ACTN4: variants seen among roughly 807,000 people sequenced by gnomAD.
The protein encoded by ACTN4 is actinin alpha 4.
In ACTN4, 18 loss-of-function variants were observed where a neutral mutation model predicts 114.2. That is an observed-to-expected ratio of 0.16 (90% confidence interval 0.11 to 0.23). The LOEUF is 0.23. Among genes scored for constraint, ACTN4 ranks in the 10% least tolerant of loss-of-function variants. The probability of loss-of-function intolerance (pLI) is 1.00; values close to 1 mark genes in which losing one functional copy is unlikely to be tolerated. For missense variants in ACTN4, 722 were observed against 1,262.9 expected (o/e 0.57, Z 6.49); for synonymous variants, 515 against 506.3 (o/e 1.02, Z -0.23).
At chr19:38,729,248 T>C in intron 20 of ACTN4, 26 bp from the exon 21 acceptor site, 1 of 1,612,256 alleles carries the variant, frequency 6.2e-7, no homozygotes, top group Non-Finnish European at 8.5e-7. Context: ...TGGGGATGGC[T>C]CAGAGTCCCA....
At chr19:38,722,947 C>T (rs1969097529) in intron 12 of ACTN4, among the ~76,000 whole-genome samples, 1 of 152,194 alleles carries the variant, frequency 6.6e-6, no homozygotes, top group Admixed American at 6.5e-5. Context: ...GGGGGAATTA[C>T]AGAGGCCTGT....
At chr19:38,649,833 C>T (rs1034281415) in intron 1 of ACTN4, among the ~76,000 whole-genome samples, 1 of 152,064 alleles carries the variant, frequency 6.6e-6, no homozygotes. Context: ...TGAGGTGGGG[C>T]CGGGCATAAC....
In ACTN4 at chr19:38,727,802, C is replaced by T. The variant is rs1006886105; in HGVS notation, c.2338-144C>T. ...GCCCCCGACCCCACGTGTCCCTGGC[C>T]ATCTCCTTGTCCATGTTGCCTCTAA... On this transcript the variant is annotated intron_variant, in intron 18 of 20. Transcript: ENST00000252699. The surrounding 1 kb of genome is among the most constrained non-coding windows in gnomAD (Gnocchi z 5.4). 2.0e-5 allele frequency: 15 copies of T among 754,254 alleles called. No individual in the cohort carries two copies. Among genetic ancestry groups the T allele is most frequent in the Admixed American group, 1.3e-4 (6 of 46,208 alleles). 46.7% of individuals were successfully genotyped at this position (754,254 alleles called of 1,614,324 possible).
intron 8 of ACTN4, among the ~76,000 whole-genome samples, chr19:38,714,065 C>A (rs1264277792): frequency 1.3e-5 from 2 of 152,228 alleles, no homozygotes; most frequent in Non-Finnish European, 2.9e-5. Flanking sequence ...GGCGCCCCTG[C>A]TCTGTTGCCC....
intron 3 of ACTN4, among the ~76,000 whole-genome samples, chr19:38,703,395 C>A (rs1224264125): frequency 6.6e-6 from 1 of 151,496 alleles, no homozygotes; most frequent in East Asian, 1.9e-4. Flanking sequence ...CCCGCCACCA[C>A]GCCAGGCTAA....
chr19:38,666,800 A>G (rs1966976311), intron 1 of ACTN4, among the ~76,000 whole-genome samples: 1 of 152,218 alleles, frequency 6.6e-6, no homozygotes, highest in African/African-American at 2.4e-5. Flanking sequence ...TCTCTAAGGC[A>G]GTTTCCATTC....
chr19:38,703,133 G>A (rs1440107183), intron 3 of ACTN4, among the ~76,000 whole-genome samples: 2 of 152,078 alleles, frequency 1.3e-5, no homozygotes, highest in Non-Finnish European at 2.9e-5. Flanking sequence ...TCACCCAGCC[G>A]CAGACACACA....
At chr19:38,712,248 G>A (rs28488032) in intron 8 of ACTN4, among the ~76,000 whole-genome samples, 1 of 151,542 alleles carries the variant, frequency 6.6e-6, no homozygotes, top group South Asian at 2.1e-4. Flanking sequence ...AAACTAGAAG[G>A]GGGGGGCCGT....
intron 1 of ACTN4, among the ~76,000 whole-genome samples, chr19:38,654,417 C>G (rs1976652983): frequency 6.6e-6 from 1 of 151,978 alleles, no homozygotes; most frequent in Non-Finnish European, 1.5e-5. Flanking sequence ...AAAAAATTAG[C>G]CGGGCACGGT....
chr19:38,703,748 G>A (rs1056217604), intron 3 of ACTN4, among the ~76,000 whole-genome samples: 1 of 152,160 alleles, frequency 6.6e-6, no homozygotes, highest in Non-Finnish European at 1.5e-5. Flanking sequence ...GATTTCACTA[G>A]TGATGCCTTG....
At chr19:38,662,792 C>T (rs1027436303) in intron 1 of ACTN4, among the ~76,000 whole-genome samples, 8 of 152,026 alleles carry the variant, frequency 5.3e-5, no homozygotes, top group Non-Finnish European at 1.2e-4. Context: ...GAAAGTCTGT[C>T]TTGGAGGGGG....
intron 8 of ACTN4, chr19:38,711,106 A>G (rs1968633438): frequency 6.2e-6 from 1 of 161,310 alleles, no homozygotes; most frequent in Admixed American, 6.5e-5. Flanking sequence ...AATGCACCCT[A>G]TTCGGACTCC....
rs1969575342 is a variant in ACTN4, at chr19:38,731,209, TGTTCAGGTG to T, written c.*1779_*1787del. ...CTGGTGAGGGTCTGGGTCAGCTGGT[TGTTCAGGTG>T]GAAGCCTAGGGGGAGGCTGCTTCTG... On this transcript the variant is annotated 3_prime_UTR_variant, in exon 21 of 21. Coordinates refer to ENST00000252699, the MANE Select transcript of ACTN4 (RefSeq NM_004924.6). The T allele has an allele frequency of 6.2e-7, 1 of 1,612,564 alleles. No individual in the cohort carries two copies. Among genetic ancestry groups the T allele is most frequent in the African/African-American group, 1.3e-5 (1 of 74,910 alleles).
intron 1 of ACTN4, among the ~76,000 whole-genome samples, chr19:38,659,096 T>G (rs1254996352): frequency 8.5e-6 from 1 of 118,304 alleles, no homozygotes; most frequent in Non-Finnish European, 1.8e-5. Flanking sequence ...AGTCTTACTC[T>G]GTCACCCAGG....
chr19:38,659,061 T>TTTTCTTTC (rs1341395815), intron 1 of ACTN4, among the ~76,000 whole-genome samples: 18 of 106,838 alleles, frequency 1.7e-4, no homozygotes, highest in East Asian at 1.6e-3. Context: ...TCTTCTTTTC[T>TTTTCTTTC]TTTCTTTTTT....
intron 1 of ACTN4, among the ~76,000 whole-genome samples, chr19:38,671,379 C>G (rs1447355959): frequency 6.6e-6 from 1 of 152,214 alleles, no homozygotes; most frequent in Non-Finnish European, 1.5e-5. Flanking sequence ...TCTGCACGCA[C>G]AATAACCTGG....
intron 11 of ACTN4, 77 bp from the exon 12 acceptor site, chr19:38,721,459 CCT>C (rs1969037929): frequency 6.5e-7 from 1 of 1,546,580 alleles, no homozygotes; most frequent in African/African-American, 1.4e-5. Context: ...TCTTTCCCTC[CCT>C]CTGCTTGGAC....
chr19:38,730,730 C>T lies in ACTN4; in HGVS notation c.*1298C>T. The stretch of plus-strand genomic sequence containing the variant: ...GTCACCCGGCCGTGAGCAGTGAGGG[C>T]CAGAGACTAGCCCCAGACAGGTGGA... On this transcript the variant is annotated 3_prime_UTR_variant, in exon 21 of 21. Transcript: ENST00000252699. 7.8e-7 allele frequency: 1 copy of T among 1,286,876 alleles called. No individual in the cohort carries two copies. Among genetic ancestry groups the T allele is most frequent in the Middle Eastern group, 2.2e-4 (1 of 4,608 alleles). The allele number at this position is 1,286,876 out of a possible 1,614,324, so 79.7% of individuals were successfully genotyped here. A position where few individuals can be genotyped will look rare whatever the true frequency, so the allele number is the denominator to read the frequency against.
Position 38,718,187 on chromosome 19 carries a change from T to C in ACTN4, c.1291+113T>C, listed in dbSNP as rs1599847245. 6.6e-6 allele frequency: 10 copies of C among 1,521,236 alleles called. No homozygotes were observed. In the East Asian group the frequency reaches 2.5e-4, roughly 37 times the overall value. 94.2% of individuals were successfully genotyped at this position (1,521,236 alleles called of 1,614,324 possible). A position where few individuals can be genotyped will look rare whatever the true frequency, so the allele number is the denominator to read the frequency against. ...CCCCCTGCCACGTTGGGTCTGTTTC[T>C]CAGGTGCCCTTTCTTGCTGCTTGGG... is the stretch of plus-strand genomic sequence containing the variant. On this transcript the variant is annotated intron_variant, in intron 11 of 20. Transcript: ENST00000252699.
Sources: gnomAD v4.1 joint callset for allele counts (sites outside exome capture counted in the v4.1 genomes callset) on GRCh38, gnomAD v4.1.1 for gene constraint, Gnocchi (gnomAD v3.1) non-coding constraint, MANE v1.5 for transcripts, NCBI Gene and HGNC (gene_info 2026-07-23, HGNC 2026-07-21) for gene names.